Variants in ARHGEF3 observed in about 807,000 individuals in gnomAD.
ARHGEF3 encodes the protein 59.8 kDA protein.
ARHGEF3 carries 28 observed loss-of-function variants against 63.2 expected under a neutral mutation model. The ratio of observed to expected loss-of-function variants is 0.44; its 90% confidence interval spans 0.33 to 0.61. The LOEUF is 0.61. Ranked by LOEUF, ARHGEF3 falls within the 20% of genes least tolerant of loss-of-function variation. The probability of loss-of-function intolerance (pLI) is 0.03; values close to 1 mark genes in which losing one functional copy is unlikely to be tolerated. For synonymous variants in ARHGEF3, 266 were observed against 254.2 expected, an observed-to-expected ratio of 1.05 and a Z score of -0.44; for missense variants, 533 against 659.3, an observed-to-expected ratio of 0.81 and a Z score of 2.10.
chr3:57,044,581 C>T (rs1704364484), intron 1 of ARHGEF3, among the ~76,000 whole-genome samples: 1 of 152,224 alleles, frequency 6.6e-6, no homozygotes, highest in Non-Finnish European at 1.5e-5. Flanking sequence ...GTGCTTGCTG[C>T]CCCTGTGGCT....
chr3:57,015,733 C>T (rs866783480), intron 2 of ARHGEF3, among the ~76,000 whole-genome samples: 2 of 151,966 alleles, frequency 1.3e-5, no homozygotes, highest in African/African-American at 4.8e-5. Context: ...TGAGCCACTG[C>T]ACCTGGCCTT....
chr3:56,897,905 G>C lies in ARHGEF3; in HGVS notation c.130-15551C>G, dbSNP rs190975976. ...TATGTATTTTTTATTTTTGAGACAG[G>C]GTCGCAGTTCTGTTGCTCATGCTGG... On this transcript the variant is annotated intron_variant, in intron 3 of 12. Coordinates refer to the ARHGEF3 transcript ENST00000338458. 5.2e-3 allele frequency among the ~76,000 whole-genome samples: 784 copies of C among 151,998 alleles called. 3 individuals are homozygous for C. The highest frequency in any genetic ancestry group is 8.5e-3 in the Non-Finnish European group (577 of 67,988).
intron 2 of ARHGEF3, among the ~76,000 whole-genome samples, chr3:56,996,735 C>G (rs1319455275): frequency 6.6e-6 from 1 of 152,150 alleles, no homozygotes; most frequent in Non-Finnish European, 1.5e-5. Context: ...GTATCTCTTA[C>G]AGAATAAAAT....
chr3:56,944,431 C>G (rs927582134), intron 3 of ARHGEF3, among the ~76,000 whole-genome samples: 2 of 152,134 alleles, frequency 1.3e-5, no homozygotes, highest in Non-Finnish European at 2.9e-5. Flanking sequence ...TTGGAAGTCA[C>G]TGCAGATGTG....
intron 3 of ARHGEF3, among the ~76,000 whole-genome samples, chr3:56,912,999 T>G (rs1270157433): frequency 6.6e-6 from 1 of 151,684 alleles, no homozygotes; most frequent in African/African-American, 2.4e-5. Context: ...ATTAGCTGGG[T>G]ATGGTGGTGC....
At chr3:56,958,804 T>G (rs1377186552) in intron 3 of ARHGEF3, 20 of 1,547,822 alleles carry the variant, frequency 1.3e-5, no homozygotes, top group Non-Finnish European at 1.7e-5. Context: ...CAGCAGGGGC[T>G]ACCCAGGGCA....
intron 3 of ARHGEF3, among the ~76,000 whole-genome samples, chr3:56,885,617 C>T (rs2040897709): frequency 6.6e-6 from 1 of 151,948 alleles, no homozygotes; most frequent in Non-Finnish European, 1.5e-5. Context: ...CAATTCAACA[C>T]ACTACCCAGC....
intron 3 of ARHGEF3, among the ~76,000 whole-genome samples, chr3:56,917,525 G>T (rs1366377358): frequency 6.6e-6 from 1 of 152,154 alleles, no homozygotes; most frequent in African/African-American, 2.4e-5. Context: ...AACAGAAGGA[G>T]ATTAAATCCA....
intron 4 of ARHGEF3, among the ~76,000 whole-genome samples, chr3:56,844,901 C>T (rs2039433129): frequency 6.6e-6 from 1 of 152,202 alleles, no homozygotes; most frequent in Non-Finnish European, 1.5e-5. Context: ...CCATATAGAA[C>T]ATGGCAAGAT....
Position 56,743,572 on chromosome 3 carries a change from T to C in ARHGEF3, c.870+1633A>G, listed in dbSNP as rs2034182345. ...AGGCTGTTGTGACGGTTAAATGAGATACATAACCTATGAGGCAAATTACAT... is the reference window on the plus strand; with the variant it reads ...AGGCTGTTGTGACGGTTAAATGAGACACATAACCTATGAGGCAAATTACAT... On this transcript the variant is annotated intron_variant, in intron 7 of 9. Coordinates refer to ENST00000296315, the MANE Select transcript of ARHGEF3 (RefSeq NM_019555.3). 1.3e-5 allele frequency among the ~76,000 whole-genome samples: 2 copies of C among 152,178 alleles called. 1 individual carries two copies. Among genetic ancestry groups the C allele is most frequent in the Non-Finnish European group, 2.9e-5 (2 of 68,026 alleles).
intron 2 of ARHGEF3, among the ~76,000 whole-genome samples, chr3:56,987,117 T>C (rs1303007806): frequency 6.6e-6 from 1 of 152,150 alleles, no homozygotes; most frequent in Non-Finnish European, 1.5e-5. Context: ...AAGGCTAAGA[T>C]GGGAGGATCC....
intron 2 of ARHGEF3, among the ~76,000 whole-genome samples, chr3:56,990,759 G>A (rs184639374): frequency 5.9e-5 from 9 of 152,236 alleles, no homozygotes; most frequent in East Asian, 1.9e-4. Context: ...AAAAACAGGC[G>A]GAGACAGCCA....
intron 1 of ARHGEF3, among the ~76,000 whole-genome samples, chr3:56,792,103 C>CAA (rs1553755406): frequency 1.3e-4 from 12 of 91,334 alleles, no homozygotes; most frequent in Non-Finnish European, 1.7e-4. Flanking sequence ...GACTCTGTCT[C>CAA]AAAAAAAAAA....
At chr3:56,947,855 C>A (rs926396068) in intron 3 of ARHGEF3, among the ~76,000 whole-genome samples, 1 of 152,066 alleles carries the variant, frequency 6.6e-6, no homozygotes, top group Admixed American at 6.6e-5. Flanking sequence ...GCACTTATTC[C>A]AAAATTGACC....
chr3:57,028,152 G>A (rs1042427866), intron 2 of ARHGEF3, among the ~76,000 whole-genome samples: 3 of 150,366 alleles, frequency 2.0e-5, no homozygotes, highest in African/African-American at 4.9e-5. Context: ...CAGGGATCTA[G>A]AACTAGAAAT....
intron 1 of ARHGEF3, among the ~76,000 whole-genome samples, chr3:57,053,557 A>G (rs1704770593): frequency 6.6e-6 from 1 of 152,240 alleles, no homozygotes; most frequent in Admixed American, 6.5e-5. Context: ...ATACAACTCA[A>G]TAACATTTTT....
intron 4 of ARHGEF3, among the ~76,000 whole-genome samples, chr3:56,879,313 C>T (rs954571319): frequency 5.3e-5 from 8 of 152,154 alleles, no homozygotes; most frequent in Non-Finnish European, 1.2e-4. Flanking sequence ...ACTTTTTAAT[C>T]AAAGGGGGAC....
At chr3:56,729,693 T>C in intron 9 of ARHGEF3, 71 bp from the exon 10 acceptor site, 1 of 1,269,842 alleles carries the variant, frequency 7.9e-7, no homozygotes, top group Non-Finnish European at 1.1e-6. Flanking sequence ...AGAACACACG[T>C]AGTGACACTA....
intron 2 of ARHGEF3, among the ~76,000 whole-genome samples, chr3:56,760,938 C>G (rs752385905): frequency 4.6e-5 from 7 of 152,090 alleles, no homozygotes; most frequent in Non-Finnish European, 1.0e-4. Context: ...TCAGAAGGGA[C>G]TGGATGTTGA....
Sources: allele counts gnomAD v4.1 joint callset (sites outside exome capture counted in the v4.1 genomes callset), GRCh38; gene constraint gnomAD v4.1.1; transcripts MANE v1.5; gene names NCBI Gene and HGNC (gene_info 2026-07-23, HGNC 2026-07-21).